The following VTI1A variants were observed in gnomAD, a reference collection of about 807,000 sequenced individuals.
VTI1A encodes vesicle transport through interaction with t-SNAREs homolog 1A.
In VTI1A, 22 loss-of-function variants were observed where a neutral mutation model predicts 34.9. The ratio of observed to expected loss-of-function variants is 0.63; its 90% CI spans 0.45 to 0.90. The LOEUF (loss-of-function observed/expected upper bound fraction) is 0.90. Among genes scored for constraint, VTI1A ranks in the 40% least tolerant of loss-of-function variants. VTI1A has a pLI of 0.00. For synonymous variants in VTI1A, 87 were observed against 97.3 expected (o/e 0.89, Z 0.62); for missense variants, 268 against 275.6 (o/e 0.97, Z 0.20).
the VTI1A span, among the ~76,000 whole-genome samples, chr10:112,835,402 A>G: frequency 6.6e-6 from 1 of 152,180 alleles, no homozygotes; most frequent in African/African-American, 2.4e-5. Flanking sequence ...GGGGCCTTCG[A>G]GGAGGCATGC....
At chr10:112,843,356 G>T in the VTI1A span, among the ~76,000 whole-genome samples, 2 of 152,186 alleles carry the variant, frequency 1.3e-5, no homozygotes, top group Non-Finnish European at 2.9e-5. Flanking sequence ...CCAGCTCCTG[G>T]TTCATTGGTA....
At chr10:112,452,178 T>C (rs564497782) in intron 1 of VTI1A, among the ~76,000 whole-genome samples, 1 of 152,294 alleles carries the variant, frequency 6.6e-6, no homozygotes, top group East Asian at 1.9e-4. Context: ...CAAAATCTGC[T>C]TCATGAGCTG....
chr10:112,472,197 C>T (rs564884606), intron 3 of VTI1A, among the ~76,000 whole-genome samples: 4 of 152,154 alleles, frequency 2.6e-5, no homozygotes, highest in Non-Finnish European at 5.9e-5. Flanking sequence ...GCTTTCTAGC[C>T]CCAGTCTCAA....
the VTI1A span, among the ~76,000 whole-genome samples, chr10:112,839,437 C>T: frequency 6.6e-6 from 1 of 151,608 alleles, no homozygotes; most frequent in Non-Finnish European, 1.5e-5. Flanking sequence ...AAGGCCAGGA[C>T]GAAGGGCTGG....
At chr10:112,452,450 C>T (rs1847274266) in intron 1 of VTI1A, among the ~76,000 whole-genome samples, 1 of 151,836 alleles carries the variant, frequency 6.6e-6, no homozygotes, top group Admixed American at 6.6e-5. Flanking sequence ...TGCCTCTAAT[C>T]CTAGCTACTC....
chr10:112,709,804 C>T (rs1849342730), intron 7 of VTI1A, among the ~76,000 whole-genome samples: 2 of 146,586 alleles, frequency 1.4e-5, no homozygotes, highest in African/African-American at 5.1e-5. Context: ...AATTCTTGTG[C>T]CTCGGCCTCC....
the VTI1A span, among the ~76,000 whole-genome samples, chr10:112,839,729 C>G: frequency 3.3e-3 from 510 of 152,282 alleles, 3 homozygotes; most frequent in African/African-American, 0.012. Flanking sequence ...CTCCAGTCCC[C>G]CTCCCCCATC....
chr10:112,618,340 T>A (rs561923331), intron 5 of VTI1A, among the ~76,000 whole-genome samples: 1 of 150,870 alleles, frequency 6.6e-6, no homozygotes, highest in East Asian at 2.0e-4. Context: ...AGTAAAACTC[T>A]CAATAAAAAT....
chr10:112,789,784 T>C (rs1345534950), intron 7 of VTI1A, among the ~76,000 whole-genome samples: 1 of 152,138 alleles, frequency 6.6e-6, no homozygotes, highest in African/African-American at 2.4e-5. Context: ...TGAGGCATTG[T>C]CATCATAATT....
At chr10:112,493,305 A>G (rs1291402221) in intron 3 of VTI1A, among the ~76,000 whole-genome samples, 1 of 151,482 alleles carries the variant, frequency 6.6e-6, no homozygotes, top group East Asian at 1.9e-4. Flanking sequence ...TTGTATATTC[A>G]TCTTGTATCC....
At chr10:112,810,965 T>A (rs1853264388) in intron 7 of VTI1A, among the ~76,000 whole-genome samples, 1 of 144,542 alleles carries the variant, frequency 6.9e-6, no homozygotes, top group East Asian at 2.1e-4. Flanking sequence ...AAAAAAAAAA[T>A]CTTATCAGTC....
chr10:112,461,296 T>A (rs915211964), intron 2 of VTI1A, among the ~76,000 whole-genome samples: 1 of 152,200 alleles, frequency 6.6e-6, no homozygotes, highest in East Asian at 1.9e-4. Context: ...GGACACATTA[T>A]TTCCTCTCCC....
chr10:112,645,914 T>C (rs1846761255), intron 5 of VTI1A, among the ~76,000 whole-genome samples: 2 of 150,410 alleles, frequency 1.3e-5, no homozygotes, highest in Admixed American at 1.3e-4. Context: ...AGGCATTATA[T>C]GGAAAAGAAA....
In VTI1A at chr10:112,815,839, C is replaced by A. The variant is rs898534801; in HGVS notation, c.*456C>A. The A allele has an allele frequency of 1.5e-4, 38 of 250,174 alleles. No homozygotes were observed. The highest frequency in any genetic ancestry group is 1.2e-3 in the Middle Eastern group (1 of 830). 15.5% of individuals were successfully genotyped at this position (250,174 alleles called of 1,614,324 possible). A position where few individuals can be genotyped will look rare whatever the true frequency, so the allele number is the denominator to read the frequency against. On this transcript the variant is annotated 3_prime_UTR_variant, in exon 8 of 8. Coordinates refer to ENST00000393077, the MANE Select transcript of VTI1A (RefSeq NM_145206.4). ...AAAAGCAGGGGATGGAGTCAGTGACCCCGTCCAGCAAGCCAGCCCTGTTCC... is the reference window on the plus strand; with the variant it reads ...AAAAGCAGGGGATGGAGTCAGTGACACCGTCCAGCAAGCCAGCCCTGTTCC...
Position 112,767,766 on chromosome 10 carries a change from C to A in VTI1A, c.561-47524C>A, listed in dbSNP as rs1254217685. Among the ~76,000 whole-genome samples the A allele has an allele frequency of 6.6e-6, 1 of 151,900 alleles. No individual in the cohort carries two copies. Among genetic ancestry groups the A allele is most frequent in the African/African-American group, 2.4e-5 (1 of 41,310 alleles). ...AATAATTTTTAAAATTGTTTGAAGA[C>A]CAATGGGACATGTAACTAACTTATT... is the stretch of plus-strand genomic sequence containing the variant. On this transcript the variant is annotated intron_variant, in intron 7 of 7. Coordinates refer to ENST00000393077, the MANE Select transcript of VTI1A (RefSeq NM_145206.4). This position sits in a 1 kb window ranked among gnomAD's most constrained non-coding sequence, Gnocchi z 4.0.
At position 112,507,541 on chromosome 10, in the gene VTI1A, C is replaced by G. The variant is rs1849472774; in HGVS notation, c.265-19546C>G. On this transcript the variant is annotated intron_variant, in intron 3 of 7. Transcript: ENST00000393077. The stretch of plus-strand genomic sequence containing the variant: ...AATGCCTCAGATAGGTTTCCATCAG[C>G]TTTTCTGCCCCCGACCTCCACCCTC... Among the ~76,000 whole-genome samples the G allele has an allele frequency of 2.6e-5, 4 of 152,186 alleles. No homozygotes were observed. The South Asian group carries it at 8.3e-4, about 31-fold the overall frequency.
At chr10:112,549,418 A>G (rs1369716318) in intron 5 of VTI1A, among the ~76,000 whole-genome samples, 1 of 152,230 alleles carries the variant, frequency 6.6e-6, no homozygotes, top group East Asian at 1.9e-4. Flanking sequence ...GATTCAGATT[A>G]TTAGCTGAAG....
intron 3 of VTI1A, among the ~76,000 whole-genome samples, chr10:112,499,254 G>T (rs1459085772): frequency 6.6e-6 from 1 of 152,090 alleles, no homozygotes; most frequent in African/African-American, 2.4e-5. Context: ...TCTTTCTCCA[G>T]CTTTTATCTT....
chr10:112,677,038 G>A (rs946256352), intron 7 of VTI1A, among the ~76,000 whole-genome samples: 10 of 152,270 alleles, frequency 6.6e-5, no homozygotes, highest in Admixed American at 4.6e-4. Context: ...AAGTAATGGC[G>A]TGGAATCTTA....
Sources: gnomAD v4.1 joint callset for allele counts (sites outside exome capture counted in the v4.1 genomes callset) on GRCh38, gnomAD v4.1.1 for gene constraint, Gnocchi (gnomAD v3.1) non-coding constraint, MANE v1.5 for transcripts, NCBI Gene and HGNC (gene_info 2026-07-23, HGNC 2026-07-21) for gene names.